Variants in AGBL4 observed in about 807,000 individuals in gnomAD.
AGBL4 encodes the protein AGBL carboxypeptidase 4, also known as cytosolic carboxypeptidase 6.
AGBL4 carries 58 observed loss-of-function variants against 66.4 expected under a neutral mutation model. The ratio of observed to expected loss-of-function variants is 0.87; its 90% CI spans 0.71 to 1.09. The LOEUF (loss-of-function observed/expected upper bound fraction) is 1.09, where lower values mean the gene tolerates loss of function less well. AGBL4 is among the 50% of genes least tolerant of loss of function. The probability of loss-of-function intolerance (pLI) is 0.00; values close to 1 mark genes in which losing one functional copy is unlikely to be tolerated. For synonymous variants in AGBL4, 234 were observed against 222.9 expected (o/e 1.05, Z -0.44); for missense variants, 579 against 631.0 (o/e 0.92, Z 0.88).
chr1:49,125,038 C>T (rs1243141868), intron 4 of AGBL4, among the ~76,000 whole-genome samples: 1 of 152,046 alleles, frequency 6.6e-6, no homozygotes, highest in Non-Finnish European at 1.5e-5. Flanking sequence ...GAAAGGGAAA[C>T]ATTTCACCAA....
chr1:49,969,947 A>G (rs1657909968), intron 1 of AGBL4, among the ~76,000 whole-genome samples: 1 of 152,180 alleles, frequency 6.6e-6, no homozygotes, highest in African/African-American at 2.4e-5. Flanking sequence ...ATAAACACAC[A>G]CATAAACGGT....
intron 9 of AGBL4, among the ~76,000 whole-genome samples, chr1:48,617,269 A>G (rs2148390149): frequency 6.6e-6 from 1 of 152,340 alleles, no homozygotes; most frequent in East Asian, 1.9e-4. Context: ...GAACCGCAGC[A>G]AAATGAGACA....
At chr1:48,750,220 C>G (rs753858431) in intron 6 of AGBL4, among the ~76,000 whole-genome samples, 37 of 152,180 alleles carry the variant, frequency 2.4e-4, no homozygotes, top group Non-Finnish European at 4.9e-4. Context: ...GGACTGCACC[C>G]CAGCCCACTC....
chr1:48,829,604 C>T (rs754947391), intron 6 of AGBL4, among the ~76,000 whole-genome samples: 3 of 151,958 alleles, frequency 2.0e-5, no homozygotes, highest in Non-Finnish European at 2.9e-5. Flanking sequence ...TGAATATAAC[C>T]AGTCAGAGAG....
chr1:49,016,405 C>G (rs1422351456), intron 5 of AGBL4, among the ~76,000 whole-genome samples: 2 of 152,156 alleles, frequency 1.3e-5, no homozygotes, highest in Non-Finnish European at 2.9e-5. Flanking sequence ...TTCTGAAGGG[C>G]TCTTAAGATG....
chr1:49,921,222 T>TAGAACTCAAAGTATAACTTTTAAAAAAA (rs1349689064), intron 1 of AGBL4, among the ~76,000 whole-genome samples: 8 of 151,302 alleles, frequency 5.3e-5, no homozygotes, highest in Non-Finnish European at 8.8e-5. Flanking sequence ...ACATGTACCC[T>TAGAACTCAAAGTATAACTTTTAAAAAAA]AGAACTCAAA....
At chr1:49,072,627 G>A (rs1644630420) in intron 4 of AGBL4, among the ~76,000 whole-genome samples, 1 of 152,158 alleles carries the variant, frequency 6.6e-6, no homozygotes, top group South Asian at 2.1e-4. Context: ...AGTCTGATGG[G>A]CTTCCCTTTG....
chr1:49,131,185 A>G (rs982081306), intron 4 of AGBL4, among the ~76,000 whole-genome samples: 7 of 152,122 alleles, frequency 4.6e-5, no homozygotes. Context: ...GGAATGACAA[A>G]TCTAATTTAT....
chr1:49,556,205 AATG>A (rs1290089185), intron 3 of AGBL4, among the ~76,000 whole-genome samples: 1 of 152,168 alleles, frequency 6.6e-6, no homozygotes, highest in African/African-American at 2.4e-5. Context: ...AGCCATAAAA[AATG>A]ATGAGTTCAT....
At chr1:49,022,216 A>C (rs1347970070) in intron 5 of AGBL4, among the ~76,000 whole-genome samples, 1 of 152,206 alleles carries the variant, frequency 6.6e-6, no homozygotes, top group African/African-American at 2.4e-5. Flanking sequence ...ATGGTAAATA[A>C]GCCAGAAAAA....
intron 6 of AGBL4, among the ~76,000 whole-genome samples, chr1:48,785,147 C>G (rs538978608): frequency 2.6e-5 from 4 of 152,320 alleles, no homozygotes; most frequent in African/African-American, 9.6e-5. Flanking sequence ...TCCAGTCCTT[C>G]TTACACACTT....
At chr1:48,681,964 T>C (rs922092306) in intron 6 of AGBL4, among the ~76,000 whole-genome samples, 3 of 152,226 alleles carry the variant, frequency 2.0e-5, no homozygotes, top group African/African-American at 7.2e-5. Context: ...ACAGGGCTTT[T>C]AAAGAGGTAG....
intron 4 of AGBL4, among the ~76,000 whole-genome samples, chr1:49,072,614 G>A (rs1210167730): frequency 6.6e-6 from 1 of 152,222 alleles, no homozygotes; most frequent in Admixed American, 6.5e-5. Flanking sequence ...GAGATCTGCT[G>A]TTAGTCTGAT....
At chr1:49,849,134 G>A (rs1391075774) in intron 2 of AGBL4, among the ~76,000 whole-genome samples, 1 of 152,078 alleles carries the variant, frequency 6.6e-6, no homozygotes, top group African/African-American at 2.4e-5. Flanking sequence ...TTTACTTTCT[G>A]TGGCTGCAAG....
intron 8 of AGBL4, among the ~76,000 whole-genome samples, chr1:48,652,543 G>A (rs970708260): frequency 1.3e-5 from 2 of 152,210 alleles, no homozygotes; most frequent in East Asian, 3.9e-4. Flanking sequence ...TGCATGCAAA[G>A]CTGGGGGGTC....
At chr1:48,605,959 C>T (rs1645148604) in intron 9 of AGBL4, among the ~76,000 whole-genome samples, 1 of 152,084 alleles carries the variant, frequency 6.6e-6, no homozygotes, top group African/African-American at 2.4e-5. Flanking sequence ...TGTTTATTGC[C>T]ACCAGGTTAA....
At chr1:49,990,480 A>G (rs1309640247) in intron 1 of AGBL4, among the ~76,000 whole-genome samples, 1 of 152,204 alleles carries the variant, frequency 6.6e-6, no homozygotes, top group Non-Finnish European at 1.5e-5. Flanking sequence ...TGCCATGATT[A>G]TAAGTTTCCT....
intron 3 of AGBL4, among the ~76,000 whole-genome samples, chr1:49,624,719 A>G (rs1383576030): frequency 6.6e-6 from 1 of 152,168 alleles, no homozygotes; most frequent in African/African-American, 2.4e-5. Flanking sequence ...AGAGCTATGG[A>G]TGGTAGATCA....
intron 3 of AGBL4, among the ~76,000 whole-genome samples, chr1:49,586,662 CTGAATGAA>C (rs10627291): frequency 6.6e-6 from 1 of 151,302 alleles, no homozygotes; most frequent in South Asian, 2.1e-4. Context: ...GACTGACTGA[CTGAATGAA>C]TGAATGAATA....
Sources: allele counts gnomAD v4.1 joint callset (sites outside exome capture counted in the v4.1 genomes callset), GRCh38; gene constraint gnomAD v4.1.1; transcripts MANE v1.5; gene names NCBI Gene and HGNC (gene_info 2026-07-23, HGNC 2026-07-21).